ROR2: variants seen among roughly 807,000 people sequenced by gnomAD.
ROR2 encodes the protein ROR family WNT receptor 2.
ROR2 carries 33 observed loss-of-function variants against 74.9 expected under a neutral mutation model. The observed-to-expected ratio is 0.44, with a 90% confidence interval of 0.33 to 0.59. ROR2 has a LOEUF of 0.59. ROR2 is among the 20% of genes least tolerant of loss of function. The pLI, the probability that ROR2 is intolerant of heterozygous loss-of-function variation, is 0.02. For synonymous variants in ROR2, 586 were observed against 558.7 expected, an observed-to-expected ratio of 1.05 and a Z score of -0.69; for missense variants, 1,216 against 1,313.8, an observed-to-expected ratio of 0.93 and a Z score of 1.15.
chr9:91,839,448 ATGTG>A (rs899766836), intron 1 of ROR2, among the ~76,000 whole-genome samples: 3 of 146,484 alleles, frequency 2.0e-5, no homozygotes, highest in Non-Finnish European at 4.5e-5. Context: ...TGGGGTGTCT[ATGTG>A]TGTGTGTATA....
chr9:91,764,587 C>CAT (rs1554757119), intron 2 of ROR2, among the ~76,000 whole-genome samples: 1 of 139,330 alleles, frequency 7.2e-6, no homozygotes, highest in East Asian at 2.5e-4. Flanking sequence ...CACACACACA[C>CAT]CACACACATT....
intron 1 of ROR2, among the ~76,000 whole-genome samples, chr9:91,805,171 G>A (rs1367692577): frequency 1.3e-5 from 2 of 152,210 alleles, no homozygotes; most frequent in Non-Finnish European, 2.9e-5. Flanking sequence ...ATAAGGTCAT[G>A]CAGAAGCCTC....
intron 1 of ROR2, among the ~76,000 whole-genome samples, chr9:91,941,619 C>T (rs1022502936): frequency 1.3e-5 from 2 of 152,196 alleles, no homozygotes; most frequent in African/African-American, 2.4e-5. Flanking sequence ...TTAGTATCCA[C>T]GACAGCATGT....
At chr9:91,772,038 A>G (rs1826247848) in intron 2 of ROR2, among the ~76,000 whole-genome samples, 1 of 152,222 alleles carries the variant, frequency 6.6e-6, no homozygotes, top group South Asian at 2.1e-4. Context: ...ATGAGCAAAA[A>G]CGTGCAGGAA....
rs1337548059 is a variant in ROR2 at position 91,731,076 on chromosome 9, C to T, written c.1017G>A (p.Pro339=). The change falls in exon 7 of 9, where the codon CCG becomes CCA. Residue 339 remains proline (P), a synonymous_variant. Transcript: ENST00000375708. ...STTKSGHQCQ[P]WALQHPHSHH... is the part of the protein sequence containing the mutation. ...GGCTGTGGGGGTGCTGCAGGGCCCACGGCTGGCACTGGTGGCCTGACTTGG... is the reference window on the plus strand; with the variant it reads ...GGCTGTGGGGGTGCTGCAGGGCCCATGGCTGGCACTGGTGGCCTGACTTGG... 2 of 1,614,070 alleles carry T rather than the reference C, an allele frequency of 1.2e-6. No homozygotes were observed. The highest frequency in any genetic ancestry group is 2.2e-5 in the East Asian group (1 of 44,874).
At chr9:91,900,885 G>A (rs922381913) in intron 1 of ROR2, among the ~76,000 whole-genome samples, 3 of 152,228 alleles carry the variant, frequency 2.0e-5, no homozygotes, top group African/African-American at 7.2e-5. Flanking sequence ...ATTAAAAAGA[G>A]CAACTAGGAA....
At chr9:91,797,081 G>A (rs1827205634) in intron 1 of ROR2, among the ~76,000 whole-genome samples, 1 of 87,066 alleles carries the variant, frequency 1.1e-5, no homozygotes, top group Non-Finnish European at 2.4e-5. Flanking sequence ...TGACACCCTG[G>A]GATCTGTGGA....
In ROR2 at chr9:91,724,016, C is replaced by T. The variant is rs145213893; in HGVS notation, c.2478G>A (p.Pro826=). The T allele has an allele frequency of 2.3e-5, 37 of 1,612,174 alleles. No homozygotes were observed. The highest frequency in any genetic ancestry group is 1.6e-4 in the Middle Eastern group (1 of 6,084). ...GCAGGTAGGCCCCATAGGCCGGCAC[C>T]GGCTGGTAGCCGTTGACGGGGACGT... ...QLYVPVNGYQ[P]VPAYGAYLPN... is the part of the protein sequence containing the mutation. Residue 826 remains proline, a synonymous_variant, in exon 9 of 9, where the codon CCG becomes CCA. Transcript: ENST00000375708.
chr9:91,792,499 T>TG (rs1442236300), intron 1 of ROR2, among the ~76,000 whole-genome samples: 1 of 152,010 alleles, frequency 6.6e-6, no homozygotes, highest in Non-Finnish European at 1.5e-5. Context: ...TAGTAGACAC[T>TG]GGGTTTCACC....
chr9:91,929,405 A>G (rs1831493611), intron 1 of ROR2, among the ~76,000 whole-genome samples: 1 of 152,212 alleles, frequency 6.6e-6, no homozygotes, highest in Non-Finnish European at 1.5e-5. Flanking sequence ...AGTGGTCAGC[A>G]TGGACGCCCT....
At chr9:91,918,733 CTTAATT>C (rs796950891) in intron 1 of ROR2, among the ~76,000 whole-genome samples, 26 of 152,272 alleles carry the variant, frequency 1.7e-4, no homozygotes, top group African/African-American at 6.0e-4. Flanking sequence ...GATTCTATCT[CTTAATT>C]TTAAGAATTC....
chr9:91,855,757 A>C (rs1225278499), intron 1 of ROR2, among the ~76,000 whole-genome samples: 1 of 152,126 alleles, frequency 6.6e-6, no homozygotes, highest in Non-Finnish European at 1.5e-5. Flanking sequence ...CTGGAAGCAG[A>C]GGACCAGCGT....
chr9:91,772,538 G>A (rs1347201830), intron 2 of ROR2, among the ~76,000 whole-genome samples: 2 of 152,184 alleles, frequency 1.3e-5, no homozygotes, highest in Non-Finnish European at 2.9e-5. Context: ...ACTCTATCCT[G>A]CTACTGCAAA....
intron 1 of ROR2, among the ~76,000 whole-genome samples, chr9:91,939,962 C>G (rs75555389): frequency 0.05 from 7,687 of 152,246 alleles, 480 homozygotes; most frequent in East Asian, 0.24. Flanking sequence ...GGCCCCACCC[C>G]ACATTCACCT....
At chr9:91,753,323 T>A (rs1303689384) in intron 4 of ROR2, among the ~76,000 whole-genome samples, 1 of 152,152 alleles carries the variant, frequency 6.6e-6, no homozygotes, top group African/African-American at 2.4e-5. Context: ...GAGACATGAG[T>A]GCCAAGCAAT....
In ROR2 at chr9:91,722,882, G is replaced by T; in HGVS notation, c.*780C>A. On this transcript the variant is annotated 3_prime_UTR_variant, in exon 9 of 9. Coordinates refer to ENST00000375708, the MANE Select transcript of ROR2 (RefSeq NM_004560.4). Reference sequence around the variant, plus strand: ...TAAATTACATTTAAGCTCTGTACATGATTCTTAACAAAAATAACAATACCG... The same window carrying T: ...TAAATTACATTTAAGCTCTGTACATTATTCTTAACAAAAATAACAATACCG... 1 of 457,204 alleles carries T rather than the reference G, an allele frequency of 2.2e-6. No homozygotes were observed. The highest frequency in any genetic ancestry group is 2.9e-5 in the South Asian group (1 of 34,652). 28.3% of individuals were successfully genotyped at this position (457,204 alleles called of 1,614,324 possible).
intron 1 of ROR2, among the ~76,000 whole-genome samples, chr9:91,855,546 A>C (rs1213496062): frequency 1.3e-5 from 2 of 152,140 alleles, no homozygotes; most frequent in Non-Finnish European, 2.9e-5. Flanking sequence ...CTCCACCCCC[A>C]GTTTCCTGCC....
intron 4 of ROR2, among the ~76,000 whole-genome samples, chr9:91,746,282 G>A (rs1181223666): frequency 6.6e-6 from 1 of 152,094 alleles, no homozygotes; most frequent in Non-Finnish European, 1.5e-5. Flanking sequence ...TCACCAAGTT[G>A]GCCCGGCTGG....
At chr9:91,926,563 A>C (rs1012543781) in intron 1 of ROR2, among the ~76,000 whole-genome samples, 1 of 151,862 alleles carries the variant, frequency 6.6e-6, no homozygotes, top group Non-Finnish European at 1.5e-5. Context: ...AAAAAAAAGA[A>C]GACATCCTAT....
Sources: gnomAD v4.1 joint callset for allele counts (sites outside exome capture counted in the v4.1 genomes callset) on GRCh38, gnomAD v4.1.1 for gene constraint, MANE v1.5 for transcripts, NCBI Gene and HGNC (gene_info 2026-07-23, HGNC 2026-07-21) for gene names.